COBL: variants seen among roughly 807,000 people sequenced by gnomAD.
COBL encodes protein cordon-bleu.
Under a neutral mutation model 98.8 loss-of-function variants are expected in COBL, and 51 were observed. The ratio of observed to expected loss-of-function variants is 0.52; its 90% CI spans 0.41 to 0.65. The LOEUF (loss-of-function observed/expected upper bound fraction) is 0.65. COBL is among the 30% of genes least tolerant of loss of function. The pLI, the probability that COBL is intolerant of heterozygous loss-of-function variation, is 0.00. For missense variants in COBL, 1,617 were observed against 1,617.5 expected, an observed-to-expected ratio of 1.00 and a Z score of 0.01; for synonymous variants, 634 against 651.7, an observed-to-expected ratio of 0.97 and a Z score of 0.41.
Position 51,259,972 on chromosome 7 carries a change from T to C in COBL, c.42-40028A>G, listed in dbSNP as rs181797576. ...CACTTCTAGTCATCTGAGATGCATC[T>C]TGTCACGTTTCTGCCACCAGGAATC... is the stretch of plus-strand genomic sequence containing the variant. On this transcript the variant is annotated intron_variant, in intron 1 of 12. Coordinates refer to ENST00000265136, the MANE Select transcript of COBL (RefSeq NM_015198.5). 88 of 751,368 alleles carry C rather than the reference T, an allele frequency of 1.2e-4. No individual in the cohort carries two copies. In the East Asian group the frequency reaches 2.1e-3, roughly 18 times the overall value. 46.5% of individuals were successfully genotyped at this position (751,368 alleles called of 1,614,324 possible).
At chr7:51,022,321 C>T (rs1329534570) in intron 12 of COBL, among the ~76,000 whole-genome samples, 16 of 152,218 alleles carry the variant, frequency 1.1e-4, no homozygotes, top group Admixed American at 9.8e-4. Flanking sequence ...CAATCAAAAC[C>T]TGGACTTTTG....
intron 5 of COBL, among the ~76,000 whole-genome samples, chr7:51,145,187 T>C (rs577585261): frequency 3.3e-5 from 5 of 151,700 alleles, no homozygotes; most frequent in African/African-American, 9.7e-5. Context: ...ACTAATTTTT[T>C]GTATTTTCAG....
intron 1 of COBL, among the ~76,000 whole-genome samples, chr7:51,267,849 C>T (rs1287871778): frequency 5.9e-5 from 9 of 152,198 alleles, no homozygotes; most frequent in Non-Finnish European, 8.8e-5. Flanking sequence ...GCTGGGATTA[C>T]AGGTGTGAGC....
chr7:51,147,650 G>T (rs78036596), intron 5 of COBL, among the ~76,000 whole-genome samples: 3,457 of 152,270 alleles, frequency 0.023, 77 homozygotes, highest in African/African-American at 0.062. Context: ...AAGAGGAATA[G>T]GCTATGACCT....
At chr7:51,209,589 C>T (rs768059201) in intron 2 of COBL, among the ~76,000 whole-genome samples, 2 of 152,190 alleles carry the variant, frequency 1.3e-5, no homozygotes, top group Non-Finnish European at 2.9e-5. Context: ...ACAGAGAACC[C>T]TCAGCATAGC....
chr7:51,171,431 A>G (rs1787866016), intron 5 of COBL, among the ~76,000 whole-genome samples: 1 of 152,176 alleles, frequency 6.6e-6, no homozygotes, highest in Admixed American at 6.5e-5. Context: ...ATCCTTATAT[A>G]CTATCTATGT....
At chr7:51,083,302 T>C in intron 7 of COBL, 1 of 1,171,916 alleles carries the variant, frequency 8.5e-7, no homozygotes, top group Non-Finnish European at 1.2e-6. Flanking sequence ...AAATCCAACC[T>C]CACTGGGCAC....
chr7:51,240,671 A>G (rs1028532824), intron 1 of COBL, among the ~76,000 whole-genome samples: 9 of 151,088 alleles, frequency 6.0e-5, no homozygotes, highest in African/African-American at 2.2e-4. Flanking sequence ...CTCAGCCTCC[A>G]GAGTAGCTGG....
intron 2 of COBL, among the ~76,000 whole-genome samples, chr7:51,194,282 T>C (rs116736383): frequency 1.4e-3 from 218 of 152,284 alleles, no homozygotes; most frequent in African/African-American, 4.6e-3. Context: ...ACAAAGGACA[T>C]GATCTTGTTC....
intron 6 of COBL, among the ~76,000 whole-genome samples, chr7:51,086,358 GAAAA>G (rs57609497): frequency 0.037 from 2,803 of 74,768 alleles, 43 homozygotes; most frequent in East Asian, 0.13. Flanking sequence ...CTGTGTCTCA[GAAAA>G]AAAAAAAAAA....
chr7:51,107,673 C>T (rs1221334699), intron 6 of COBL, among the ~76,000 whole-genome samples: 3 of 152,154 alleles, frequency 2.0e-5, no homozygotes, highest in African/African-American at 4.8e-5. Flanking sequence ...TACCAACATA[C>T]CATGGGCAGA....
chr7:51,083,293 A>T (rs1163966099), intron 7 of COBL: 2 of 1,279,636 alleles, frequency 1.6e-6, no homozygotes, highest in Non-Finnish European at 1.0e-6. Flanking sequence ...CTAGGCACCA[A>T]ATCCAACCTC....
chr7:51,132,162 C>T (rs117683179), intron 6 of COBL, among the ~76,000 whole-genome samples: 4,433 of 152,290 alleles, frequency 0.029, 99 homozygotes, highest in Non-Finnish European at 0.042. Context: ...AACACAGAAC[C>T]CCGGCTGGGG....
At chr7:51,168,057 C>T (rs1014140305) in intron 5 of COBL, among the ~76,000 whole-genome samples, 1 of 152,070 alleles carries the variant, frequency 6.6e-6, no homozygotes, top group Non-Finnish European at 1.5e-5. Context: ...CAAATATGAA[C>T]AAGTGGGATC....
intron 1 of COBL, among the ~76,000 whole-genome samples, chr7:51,303,418 T>G (rs1802169670): frequency 6.6e-6 from 1 of 152,088 alleles, no homozygotes; most frequent in African/African-American, 2.4e-5. Context: ...ATCCGGTCTC[T>G]GTGCGCACCT....
intron 7 of COBL, among the ~76,000 whole-genome samples, chr7:51,055,662 T>TTGC (rs1173922816): frequency 6.6e-6 from 1 of 152,190 alleles, no homozygotes; most frequent in African/African-American, 2.4e-5. Context: ...TTCCCAGGTG[T>TTGC]TGCTGCTGCC....
At position 51,025,231 on chromosome 7, in the gene COBL, C is replaced by A; in HGVS notation, c.3646G>T (p.Ala1216Ser). ...GAGGCCGTCCTTGGTGCAGAGAGAG[C>A]CTGGGAGGGTGGAGGGGGTGGTGGG... ...IPPPPPPPSQ[A>S]LSAPRTASRF... The change falls in exon 12 of 13, where the codon GCT becomes TCT. Residue 1216 changes from alanine to serine, a missense_variant. Physicochemically the swap from Ala to Ser is moderately conservative, Grantham distance 99. Around this residue, in one of 3 missense-constraint regions of COBL, gnomAD observed 1,304 missense variants for 1,282.0 expected, o/e 1.02. Coordinates refer to ENST00000265136, the MANE Select transcript of COBL (RefSeq NM_015198.5). 8.8e-7 allele frequency: 1 copy of A among 1,130,888 alleles called. No homozygotes were observed. Among genetic ancestry groups the A allele is most frequent in the Non-Finnish European group, 1.2e-6 (1 of 805,648 alleles). The allele number at this position is 1,130,888 out of a possible 1,614,324, so 70.1% of individuals were successfully genotyped here. A position where few individuals can be genotyped will look rare whatever the true frequency, so the allele number is the denominator to read the frequency against.
intron 1 of COBL, among the ~76,000 whole-genome samples, chr7:51,222,014 T>C (rs1216099227): frequency 6.6e-6 from 1 of 151,890 alleles, no homozygotes; most frequent in Non-Finnish European, 1.5e-5. Flanking sequence ...ACGGTGAAAT[T>C]CTGTCTCTAC....
intron 6 of COBL, among the ~76,000 whole-genome samples, chr7:51,088,860 T>C (rs930080630): frequency 1.3e-5 from 2 of 152,176 alleles, no homozygotes; most frequent in African/African-American, 4.8e-5. Context: ...CCTTCCCGAG[T>C]ACTCTGGTGA....
Sources: gnomAD v4.1 joint callset for allele counts (sites outside exome capture counted in the v4.1 genomes callset) on GRCh38, gnomAD v4.1.1 for gene constraint, gnomAD v4.1.1 regional missense constraint, MANE v1.5 for transcripts, NCBI Gene and HGNC (gene_info 2026-07-23, HGNC 2026-07-21) for gene names.